SRF: variants seen among roughly 807,000 people sequenced by gnomAD.
The protein encoded by SRF is c-fos serum response element-binding transcription factor.
A neutral mutation model predicts 37.1 loss-of-function variants in SRF; 7 were observed. The ratio of observed to expected loss-of-function variants is 0.19; its 90% CI spans 0.11 to 0.35. SRF has a LOEUF of 0.35. Ranked by LOEUF, SRF falls within the 10% of genes least tolerant of loss-of-function variation. SRF has a pLI of 1.00. For synonymous variants in SRF, 285 were observed against 310.1 expected (o/e 0.92, Z 0.85); for missense variants, 395 against 694.4 (o/e 0.57, Z 4.85).
At position 43,178,470 on chromosome 6, in the gene SRF, C is replaced by A; in HGVS notation, c.1339C>A (p.Gln447Lys). ...ATCCACCATGCAGGTGTCACACAGC[C>A]AGGTCCAGGAGCCAGGTGAGTAGAG... ...APSTMQVSHS[Q>K]VQEPGGVPQV... is the part of the protein sequence containing the mutation. Residue 447 changes from glutamine to lysine, a missense_variant, in exon 5 of 7, where the codon CAG (glutamine) becomes AAG (lysine). Gln to Lys is a moderately conservative substitution (Grantham distance 53, BLOSUM62 1). Transcript: ENST00000265354. This position sits in a 1 kb window ranked among gnomAD's most constrained non-coding sequence, Gnocchi z 4.3. 6.2e-7 allele frequency: 1 copy of A among 1,613,594 alleles called. No individual in the cohort carries two copies. Among genetic ancestry groups the A allele is most frequent in the Non-Finnish European group, 8.5e-7 (1 of 1,179,618 alleles).
rs1315494717 is a variant in SRF, at chr6:43,178,442, A to G, written c.1311A>G (p.Ala437=). Residue 437 remains alanine, a synonymous_variant, in exon 5 of 7, where the codon GCA becomes GCG. Transcript: ENST00000265354. The surrounding 1 kb of genome is among the most constrained non-coding windows in gnomAD (Gnocchi z 4.3). ...CCGTGCTGAATGCCTTCTCCCAGGC[A>G]CCATCCACCATGCAGGTGTCACACA... ...SLTVLNAFSQ[A]PSTMQVSHSQ... 2 of 1,614,000 alleles carry G rather than the reference A, an allele frequency of 1.2e-6. No individual in the cohort carries two copies. The highest frequency in any genetic ancestry group is 2.7e-5 in the African/African-American group (2 of 74,922).
In SRF at chr6:43,176,751, A is replaced by G; in HGVS notation, c.1162+84A>G. The G allele has an allele frequency of 6.6e-7, 1 of 1,521,244 alleles. No homozygotes were observed. Among genetic ancestry groups the G allele is most frequent in the Non-Finnish European group, 8.9e-7 (1 of 1,120,910 alleles). The allele number at this position is 1,521,244 out of a possible 1,614,324, so 94.2% of individuals were successfully genotyped here. A position where few individuals can be genotyped will look rare whatever the true frequency, so the allele number is the denominator to read the frequency against. ...AGGTGCCCAACAGTAACCCTCCTGTAACTAAAGTCAGGGGATTTCTTAAAG... is the reference window on the plus strand; with the variant it reads ...AGGTGCCCAACAGTAACCCTCCTGTGACTAAAGTCAGGGGATTTCTTAAAG... On this transcript the variant is annotated intron_variant, in intron 4 of 6. Transcript: ENST00000265354. The surrounding 1 kb of genome is among the most constrained non-coding windows in gnomAD (Gnocchi z 4.0).
intron 2 of SRF, 94 bp downstream of exon 2, chr6:43,174,207 G>C: frequency 1.3e-6 from 2 of 1,483,892 alleles, no homozygotes; most frequent in African/African-American, 1.4e-5. Flanking sequence ...CACCGATGTG[G>C]AGTGGAGCCG....
At position 43,180,791 on chromosome 6, in the gene SRF, T is replaced by C. The variant is rs1772311236; in HGVS notation, c.*1601T>C. 6.6e-6 allele frequency: 1 copy of C among 152,340 alleles called. No individual in the cohort carries two copies. Among genetic ancestry groups the C allele is most frequent in the Non-Finnish European group, 1.5e-5 (1 of 68,042 alleles). 9.4% of individuals were successfully genotyped at this position (152,340 alleles called of 1,614,324 possible). On this transcript the variant is annotated 3_prime_UTR_variant, in exon 7 of 7. Transcript: ENST00000265354. ...AAGACTGCCTTCAGTAGGAACAAGC[T>C]GGCTTCTGTGATTAGGTGAAGGGAT...
rs777483568 is a variant in SRF at position 43,179,237 on chromosome 6, T to C, written c.*47T>C. The stretch of plus-strand genomic sequence containing the variant: ...ATGGCCCAAGGGATGGCACCACTTA[T>C]TTATTGTTGCCTTTTCACGTTTTCT... On this transcript the variant is annotated 3_prime_UTR_variant, in exon 7 of 7. Coordinates refer to ENST00000265354, the MANE Select transcript of SRF (RefSeq NM_003131.4). This position sits in a 1 kb window ranked among gnomAD's most constrained non-coding sequence, Gnocchi z 5.3. 2 of 1,594,940 alleles carry C rather than the reference T, an allele frequency of 1.3e-6. No individual in the cohort carries two copies. The highest frequency in any genetic ancestry group is 2.2e-5 in the East Asian group (1 of 44,750).
rs1361127958 is a variant in SRF at position 43,176,373 on chromosome 6, G to C, written c.1043-175G>C. ...GAGGAGGGATGGGCAAGAGTAGAGCGTGGAAGCCCCCAGAGTGGATACTTG... is the reference window on the plus strand; with the variant it reads ...GAGGAGGGATGGGCAAGAGTAGAGCCTGGAAGCCCCCAGAGTGGATACTTG... On this transcript the variant is annotated intron_variant, in intron 3 of 6. Coordinates refer to ENST00000265354, the MANE Select transcript of SRF (RefSeq NM_003131.4). This position sits in a 1 kb window ranked among gnomAD's most constrained non-coding sequence, Gnocchi z 4.0. 6.6e-6 allele frequency among the ~76,000 whole-genome samples: 1 copy of C among 152,180 alleles called. No homozygotes were observed. The highest frequency in any genetic ancestry group is 1.5e-5 in the Non-Finnish European group (1 of 68,014).
In SRF at chr6:43,178,269, G is replaced by C; in HGVS notation, c.1163-25G>C. ...AGTTATCAGTGGGGACCAGTGCCGA[G>C]CTGACACATGTCTGTGTTTGCCAGT... On this transcript the variant is annotated intron_variant, in intron 4 of 6. Coordinates refer to ENST00000265354, the MANE Select transcript of SRF (RefSeq NM_003131.4). This position sits in a 1 kb window ranked among gnomAD's most constrained non-coding sequence, Gnocchi z 4.3. The C allele has an allele frequency of 6.3e-7, 1 of 1,577,244 alleles. No individual in the cohort carries two copies. The highest frequency in any genetic ancestry group is 8.7e-7 in the Non-Finnish European group (1 of 1,154,916).
chr6:43,172,336 C>T lies in SRF; in HGVS notation c.513+167C>T. ...CCGGGGAGGGCCGAAGGGGAGGGGC[C>T]GCCGGGGAAATGTGGGGAGAGGGGA... On this transcript the variant is annotated intron_variant, in intron 1 of 6. Coordinates refer to ENST00000265354, the MANE Select transcript of SRF (RefSeq NM_003131.4). This position sits in a 1 kb window ranked among gnomAD's most constrained non-coding sequence, Gnocchi z 5.7. 2 of 984,246 alleles carry T rather than the reference C, an allele frequency of 2.0e-6. No homozygotes were observed. Among genetic ancestry groups the T allele is most frequent in the Non-Finnish European group, 1.2e-6 (1 of 829,466 alleles). 61.0% of individuals were successfully genotyped at this position (984,246 alleles called of 1,614,324 possible).
intron 2 of SRF, among the ~76,000 whole-genome samples, chr6:43,174,866 T>C (rs1562000050): frequency 6.6e-6 from 1 of 152,218 alleles, no homozygotes; most frequent in Non-Finnish European, 1.5e-5. Flanking sequence ...GGGTCTGGGC[T>C]TGGTGGCTTG....
At chr6:43,177,052 CTA>C (rs1772211407) in intron 4 of SRF, among the ~76,000 whole-genome samples, 1 of 152,130 alleles carries the variant, frequency 6.6e-6, no homozygotes, top group African/African-American at 2.4e-5. Context: ...TCAGGTATCT[CTA>C]GACATTTCAG....
chr6:43,175,410 A>G (rs946940860), intron 2 of SRF, among the ~76,000 whole-genome samples: 8 of 152,214 alleles, frequency 5.3e-5, no homozygotes, highest in African/African-American at 1.7e-4. Context: ...TAAGAGCAGC[A>G]AATATTTATT....
In SRF at chr6:43,176,712, C is replaced by G. The variant is rs767389851; in HGVS notation, c.1162+45C>G. On this transcript the variant is annotated intron_variant, in intron 4 of 6. Transcript: ENST00000265354. This position sits in a 1 kb window ranked among gnomAD's most constrained non-coding sequence, Gnocchi z 4.0. ...CACCCTCCCTCCCTGCCTTCCCCCA[C>G]GAGGCCTAGCAGTAGGTGCCCAACA... The G allele has an allele frequency of 3.1e-6, 5 of 1,598,384 alleles. No homozygotes were observed. Among genetic ancestry groups the G allele is most frequent in the Admixed American group, 3.4e-5 (2 of 59,178 alleles).
At chr6:43,177,792 G>A (rs1772232920) in intron 4 of SRF, among the ~76,000 whole-genome samples, 1 of 151,444 alleles carries the variant, frequency 6.6e-6, no homozygotes, top group Admixed American at 6.6e-5. Context: ...GCAGGCATCT[G>A]TAGTCCCAGC....
rs945301947 is a variant in SRF, at chr6:43,173,346, G to A, written c.514-501G>A. 6.6e-6 allele frequency among the ~76,000 whole-genome samples: 1 copy of A among 152,212 alleles called. No homozygotes were observed. Among genetic ancestry groups the A allele is most frequent in the Non-Finnish European group, 1.5e-5 (1 of 68,028 alleles). ...GGAGTAAGGGCAGTAAAGTATTACA[G>A]GGCAAAAGGAGAAACTAGGCTGTGG... On this transcript the variant is annotated intron_variant, in intron 1 of 6. Transcript: ENST00000265354. This position sits in a 1 kb window ranked among gnomAD's most constrained non-coding sequence, Gnocchi z 4.2.
Position 43,171,838 on chromosome 6 carries a change from C to T in SRF, c.182C>T (p.Ala61Val). 1.6e-6 allele frequency: 2 copies of T among 1,259,594 alleles called. No individual in the cohort carries two copies. 78.0% of individuals were successfully genotyped at this position (1,259,594 alleles called of 1,614,324 possible). The change falls in exon 1 of 7, where the codon GCG becomes GTG. Residue 61 changes from alanine (A) to valine (V), a missense_variant. Physicochemically the swap from Ala to Val is moderately conservative, Grantham distance 64. Transcript: ENST00000265354. The surrounding 1 kb of genome is among the most constrained non-coding windows in gnomAD (Gnocchi z 6.5). ...LGPGRLEREA[A>V]AAAATTPAPT... ...CCCGGCCGCCTGGAGCGGGAGGCTG[C>T]GGCAGCGGCGGCAACCACCCCGGCG... is the stretch of plus-strand genomic sequence containing the variant.
In SRF at chr6:43,176,313, A is replaced by G. The variant is rs1445423794; in HGVS notation, c.1043-235A>G. On this transcript the variant is annotated intron_variant, in intron 3 of 6. Coordinates refer to ENST00000265354, the MANE Select transcript of SRF (RefSeq NM_003131.4). The surrounding 1 kb of genome is among the most constrained non-coding windows in gnomAD (Gnocchi z 4.0). Reference sequence around the variant, plus strand: ...TGGGTTATTGCCAGCTCTTGGGTCAACTGAAGAAAAGAGAGACAAGGCCCA... The same window carrying G: ...TGGGTTATTGCCAGCTCTTGGGTCAGCTGAAGAAAAGAGAGACAAGGCCCA... 6.6e-6 allele frequency among the ~76,000 whole-genome samples: 1 copy of G among 152,206 alleles called. No individual in the cohort carries two copies. Among genetic ancestry groups the G allele is most frequent in the African/African-American group, 2.4e-5 (1 of 41,446 alleles).
Position 43,171,778 on chromosome 6 carries a change from G to A in SRF, c.122G>A (p.Gly41Glu). Residue 41 changes from glycine (G) to glutamate (E), a missense_variant, in exon 1 of 7, where the codon GGG becomes GAG. Around this residue, in one of 4 missense-constraint regions of SRF, gnomAD observed 134 missense variants for 204.5 expected, o/e 0.66. Coordinates refer to ENST00000265354, the MANE Select transcript of SRF (RefSeq NM_003131.4). This position sits in a 1 kb window ranked among gnomAD's most constrained non-coding sequence, Gnocchi z 6.5. ...GGGGGTRGAN[G>E]GRVPGNGAGL... The stretch of plus-strand genomic sequence containing the variant: ...GGCGGCGGGACACGCGGGGCTAACG[G>A]GGGCCGGGTCCCCGGGAATGGCGCG... 1.6e-6 allele frequency: 2 copies of A among 1,214,320 alleles called. No homozygotes were observed. The highest frequency in any genetic ancestry group is 2.0e-6 in the Non-Finnish European group (2 of 977,054). The allele number at this position is 1,214,320 out of a possible 1,614,324, so 75.2% of individuals were successfully genotyped here.
In SRF at chr6:43,173,156, C is replaced by A. The variant is rs1772139897; in HGVS notation, c.514-691C>A. Among the ~76,000 whole-genome samples the A allele has an allele frequency of 2.0e-5, 3 of 152,100 alleles. No homozygotes were observed. Among genetic ancestry groups the A allele is most frequent in the African/African-American group, 7.2e-5 (3 of 41,410 alleles). On this transcript the variant is annotated intron_variant, in intron 1 of 6. Transcript: ENST00000265354. This position sits in a 1 kb window ranked among gnomAD's most constrained non-coding sequence, Gnocchi z 4.2. ...CATCCTTGAAGGTCCCCTTCCTGGG[C>A]TCATGGCAGGATGTTTAGTGCTAAT...
chr6:43,177,316 G>T (rs1468534298), intron 4 of SRF, among the ~76,000 whole-genome samples: 3 of 145,476 alleles, frequency 2.1e-5, no homozygotes, highest in Non-Finnish European at 4.4e-5. Flanking sequence ...TGCAAGCTCT[G>T]CCTCCCGGGT....
Sources: allele counts gnomAD v4.1 joint callset (sites outside exome capture counted in the v4.1 genomes callset), GRCh38; gene constraint gnomAD v4.1.1; regional missense constraint gnomAD v4.1.1; non-coding constraint Gnocchi (gnomAD v3.1); transcripts MANE v1.5; gene names NCBI Gene and HGNC (gene_info 2026-07-23, HGNC 2026-07-21).